Variants in FREM2 observed in about 807,000 individuals in gnomAD.
FREM2 encodes FRAS1 related extracellular matrix 2.
FREM2 carries 119 observed loss-of-function variants against 219.9 expected under a neutral mutation model. The observed-to-expected ratio is 0.54, with a 90% CI of 0.47 to 0.63. FREM2 has a LOEUF of 0.63. Among genes scored for constraint, FREM2 ranks in the 30% least tolerant of loss-of-function variants. The probability of loss-of-function intolerance (pLI) is 0.00; values close to 1 mark genes in which losing one functional copy is unlikely to be tolerated. For synonymous variants in FREM2, 1,562 were observed against 1,522.8 expected, an observed-to-expected ratio of 1.03 and a Z score of -0.60; for missense variants, 4,030 against 3,993.6, an observed-to-expected ratio of 1.01 and a Z score of -0.25.
chr13:38,749,586 G>T (rs1378570980), intron 2 of FREM2, among the ~76,000 whole-genome samples: 1 of 152,080 alleles, frequency 6.6e-6, no homozygotes, highest in Non-Finnish European at 1.5e-5. Context: ...TTGTGTGTGT[G>T]TTGGGTGGGA....
At chr13:38,807,111 C>T (rs979681632) in intron 6 of FREM2, among the ~76,000 whole-genome samples, 1 of 141,008 alleles carries the variant, frequency 7.1e-6, no homozygotes, top group African/African-American at 2.6e-5. Context: ...CAATGTCATC[C>T]ATGAGGGTTT....
intron 2 of FREM2, among the ~76,000 whole-genome samples, chr13:38,737,471 A>G (rs1187085655): frequency 6.6e-6 from 1 of 152,202 alleles, no homozygotes; most frequent in African/African-American, 2.4e-5. Flanking sequence ...CCATAAAACT[A>G]CTGGAAAACT....
At position 38,860,695 on chromosome 13, in the gene FREM2, T is replaced by C. The variant is rs191269512; in HGVS notation, c.7520-736T>C. Among the ~76,000 whole-genome samples, 122 of 152,352 alleles carry C rather than the reference T, an allele frequency of 8.0e-4. 2 individuals carry two copies. Among genetic ancestry groups the C allele is most frequent in the Admixed American group, 7.1e-3 (108 of 15,304 alleles). ...GTAATTGTATCTTTCCAAGTTCTCCTGAAATTATAATTCAGCGTCTTGGTT... is the reference window on the plus strand; with the variant it reads ...GTAATTGTATCTTTCCAAGTTCTCCCGAAATTATAATTCAGCGTCTTGGTT... On this transcript the variant is annotated intron_variant, in intron 14 of 23. Coordinates refer to ENST00000280481, the MANE Select transcript of FREM2 (RefSeq NM_207361.6).
In FREM2 at chr13:38,843,765, C is replaced by A. The variant is rs137868450; in HGVS notation, c.6020-2808C>A. On this transcript the variant is annotated intron_variant, in intron 6 of 23. Transcript: ENST00000280481. ...AAATTGTAGATATTTTGAAAAGATGCTGAGAAATTGAAATAAACATAATCA... is the reference window on the plus strand; with the variant it reads ...AAATTGTAGATATTTTGAAAAGATGATGAGAAATTGAAATAAACATAATCA... Among the ~76,000 whole-genome samples, 3 of 152,218 alleles carry A rather than the reference C, an allele frequency of 2.0e-5. No individual in the cohort carries two copies. In the East Asian group the frequency reaches 5.8e-4, roughly 29 times the overall value.
chr13:38,785,980 T>A (rs1032093464), intron 6 of FREM2, among the ~76,000 whole-genome samples: 4 of 152,250 alleles, frequency 2.6e-5, no homozygotes, highest in African/African-American at 9.6e-5. Context: ...TAATGATGTT[T>A]AGACACATAT....
intron 2 of FREM2, among the ~76,000 whole-genome samples, chr13:38,714,623 G>T (rs916773093): frequency 1.3e-5 from 2 of 152,092 alleles, no homozygotes; most frequent in African/African-American, 4.8e-5. Flanking sequence ...TAATAATTAT[G>T]TGAGGCAATG....
chr13:38,862,606 C>G (rs375734456), intron 15 of FREM2, among the ~76,000 whole-genome samples: 1 of 152,092 alleles, frequency 6.6e-6, no homozygotes, highest in African/African-American at 2.4e-5. Flanking sequence ...TCTGTGGGGC[C>G]GGAGTTTTGC....
In FREM2 at chr13:38,761,826, G is replaced by A. The variant is rs370329242; in HGVS notation, c.5264-2478G>A. ...CAAGGGTGATGGAAAGAGTGAGGGT[G>A]GCAAATCCCAGGAGCTGCAAGAATC... On this transcript the variant is annotated intron_variant, in intron 2 of 23. Transcript: ENST00000280481. 1.2e-4 allele frequency among the ~76,000 whole-genome samples: 19 copies of A among 152,200 alleles called. No homozygotes were observed. The East Asian group carries it at 1.4e-3, about 11-fold the overall frequency.
In FREM2 at chr13:38,885,995, C is replaced by T. The variant is rs1878712221; in HGVS notation, c.*5208C>T. 3.3e-5 allele frequency: 5 copies of T among 152,052 alleles called. No individual in the cohort carries two copies. In the South Asian group the frequency reaches 8.3e-4, roughly 25 times the overall value. 9.4% of individuals were successfully genotyped at this position (152,052 alleles called of 1,614,324 possible). On this transcript the variant is annotated 3_prime_UTR_variant, in exon 24 of 24. Coordinates refer to ENST00000280481, the MANE Select transcript of FREM2 (RefSeq NM_207361.6). Reference sequence around the variant, plus strand: ...AATGCACAATGTTCTTTTACTATGCCAAATGTTGCCTACACTGATTACATG... The same window carrying T: ...AATGCACAATGTTCTTTTACTATGCTAAATGTTGCCTACACTGATTACATG...
At chr13:38,694,953 C>A (rs1235509236) in intron 1 of FREM2, among the ~76,000 whole-genome samples, 1 of 152,010 alleles carries the variant, frequency 6.6e-6, no homozygotes, top group African/African-American at 2.4e-5. Context: ...AGAGTTTGAA[C>A]CAGATGTGGC....
chr13:38,754,891 T>G, intron 2 of FREM2, among the ~76,000 whole-genome samples: 1 of 118,454 alleles, frequency 8.4e-6, no homozygotes, highest in African/African-American at 3.3e-5. Context: ...ATGATGATGA[T>G]GATGATGATG....
At chr13:38,751,445 C>T (rs946020462) in intron 2 of FREM2, among the ~76,000 whole-genome samples, 2 of 152,232 alleles carry the variant, frequency 1.3e-5, no homozygotes, top group East Asian at 1.9e-4. Context: ...CAGAGCTTGA[C>T]TCTTATTGCT....
chr13:38,800,383 T>G (rs1874963202), intron 6 of FREM2, among the ~76,000 whole-genome samples: 2 of 152,166 alleles, frequency 1.3e-5, no homozygotes, highest in Non-Finnish European at 2.9e-5. Context: ...AATATGTCAT[T>G]ATCTCCGGGC....
intron 12 of FREM2, among the ~76,000 whole-genome samples, chr13:38,856,859 G>T (rs537304671): frequency 2.0e-5 from 3 of 151,906 alleles, no homozygotes; most frequent in Non-Finnish European, 4.4e-5. Context: ...TTAAAACTAC[G>T]TGTCTTTTTG....
intron 11 of FREM2, among the ~76,000 whole-genome samples, chr13:38,853,832 G>A (rs1481450041): frequency 1.3e-5 from 2 of 152,244 alleles, no homozygotes; most frequent in South Asian, 2.1e-4. Context: ...GATTTTACAT[G>A]AAAGAAGTGT....
At chr13:38,839,767 C>T (rs183971004) in intron 6 of FREM2, among the ~76,000 whole-genome samples, 263 of 152,170 alleles carry the variant, frequency 1.7e-3, no homozygotes, top group Non-Finnish European at 2.7e-3. Context: ...AGGGGAAAAC[C>T]GCCTACTCAA....
rs143457629 is a variant in FREM2 at position 38,856,428 on chromosome 13, A to G, written c.7056+172A>G. 5.4e-3 allele frequency among the ~76,000 whole-genome samples: 818 copies of G among 152,302 alleles called. 6 individuals are homozygous for G. The highest frequency in any genetic ancestry group is 0.02 in the Middle Eastern group (6 of 294). ...AAATGTGTTTTGTTCTGATTAGATC[A>G]TAGTCAAGAAATGTGCATCTTTTTC... On this transcript the variant is annotated intron_variant, in intron 12 of 23. Coordinates refer to ENST00000280481, the MANE Select transcript of FREM2 (RefSeq NM_207361.6).
At chr13:38,742,388 C>T (rs1461848009) in intron 2 of FREM2, among the ~76,000 whole-genome samples, 1 of 152,106 alleles carries the variant, frequency 6.6e-6, no homozygotes, top group South Asian at 2.1e-4. Context: ...GACTAGAAAA[C>T]ATATGGAAAT....
At position 38,835,846 on chromosome 13, in the gene FREM2, G is replaced by T. The variant is rs1232143771; in HGVS notation, c.6020-10727G>T. Among the ~76,000 whole-genome samples, 10 of 152,344 alleles carry T rather than the reference G, an allele frequency of 6.6e-5. No individual in the cohort carries two copies. The South Asian group carries it at 2.1e-3, about 32-fold the overall frequency. The stretch of plus-strand genomic sequence containing the variant: ...TATCAGCATAAGGAGATTTTGGGCT[G>T]AGACGATGGAGTTTTCTAAATATAC... On this transcript the variant is annotated intron_variant, in intron 6 of 23. Transcript: ENST00000280481.
Sources: allele counts gnomAD v4.1 joint callset (sites outside exome capture counted in the v4.1 genomes callset), GRCh38; gene constraint gnomAD v4.1.1; transcripts MANE v1.5; gene names NCBI Gene and HGNC (gene_info 2026-07-23, HGNC 2026-07-21).